Variants in ZNF616 observed in about 807,000 individuals in gnomAD.
The protein encoded by ZNF616 is zinc finger protein 616.
A neutral mutation model predicts 7.6 loss-of-function variants in ZNF616; 5 were observed. The ratio of observed to expected loss-of-function variants is 0.66; its 90% CI spans 0.34 to 1.38. The LOEUF (loss-of-function observed/expected upper bound fraction) is 1.38. ZNF616 is among the 40% of genes most tolerant of loss of function. The pLI is 0.04. For synonymous variants in ZNF616, 319 were observed against 317.2 expected, an observed-to-expected ratio of 1.01 and a Z score of -0.06; for missense variants, 913 against 948.3, an observed-to-expected ratio of 0.96 and a Z score of 0.49.
At position 52,114,792 on chromosome 19, in the gene ZNF616, G is replaced by A. The variant is rs776114741; in HGVS notation, c.*26C>T. On this transcript the variant is annotated 3_prime_UTR_variant, in exon 4 of 4. Coordinates refer to ENST00000600228, the MANE Select transcript of ZNF616 (RefSeq NM_178523.5). ...GTATATCAGTAAGTAGGAATTATTC[G>A]GTGATTCCAGAAACTAGGACAACGT... is the stretch of plus-strand genomic sequence containing the variant. The A allele has an allele frequency of 4.3e-5, 66 of 1,532,900 alleles. No homozygotes were observed. Among genetic ancestry groups the A allele is most frequent in the East Asian group, 1.4e-4 (6 of 44,416 alleles). 95.0% of individuals were successfully genotyped at this position (1,532,900 alleles called of 1,614,324 possible).
At position 52,137,952 on chromosome 19, in the gene ZNF616, C is replaced by T. The variant is rs1250759818; in HGVS notation, c.-77+1780G>A. ...GCAACTACAAGGAAAAAAGTAAATC[C>T]ATTAACAAAACAAAAAACCAACACT... On this transcript the variant is annotated intron_variant, in intron 1 of 3. Transcript: ENST00000600228. Among the ~76,000 whole-genome samples the T allele has an allele frequency of 2.6e-5, 4 of 152,126 alleles. No homozygotes were observed. The East Asian group carries it at 7.7e-4, about 29-fold the overall frequency.
At chr19:52,138,902 AC>A (rs1189012291) in intron 1 of ZNF616, 1 of 151,602 alleles carries the variant, frequency 6.6e-6, no homozygotes, top group Non-Finnish European at 1.5e-5. Context: ...TCCGACTCTT[AC>A]CTTTTCCGCC....
intron 3 of ZNF616, among the ~76,000 whole-genome samples, chr19:52,119,197 T>G (rs2088847971): frequency 2.0e-5 from 3 of 151,906 alleles, no homozygotes; most frequent in African/African-American, 7.3e-5. Flanking sequence ...GCCAAGATGA[T>G]GAAACCCCAC....
chr19:52,119,289 T>A (rs916627949), intron 3 of ZNF616, among the ~76,000 whole-genome samples: 1 of 151,618 alleles, frequency 6.6e-6, no homozygotes, highest in Non-Finnish European at 1.5e-5. Context: ...AGGCAGGGAA[T>A]TGCTTGAACC....
At chr19:52,136,129 CA>C (rs796547921) in intron 1 of ZNF616, among the ~76,000 whole-genome samples, 797 of 24,452 alleles carry the variant, frequency 0.033, 2 homozygotes, top group Admixed American at 0.047. Context: ...GACTTTGTCT[CA>C]AAAAAAAAAA....
chr19:52,132,607 G>C (rs1283644424), intron 1 of ZNF616, among the ~76,000 whole-genome samples: 3 of 149,680 alleles, frequency 2.0e-5, no homozygotes. Flanking sequence ...GAAGTGTGTA[G>C]CGCCTCCCCC....
chr19:52,123,121 A>C (rs2088877068), intron 3 of ZNF616, among the ~76,000 whole-genome samples: 1 of 152,192 alleles, frequency 6.6e-6, no homozygotes, highest in Non-Finnish European at 1.5e-5. Flanking sequence ...CCCCAATACA[A>C]CACTACCTCA....
chr19:52,130,392 C>T (rs1354162109), intron 2 of ZNF616, 109 bp downstream of exon 2: 1 of 1,003,968 alleles, frequency 1.0e-6, no homozygotes, highest in Non-Finnish European at 1.6e-6. Context: ...AGGAAGGACA[C>T]TTCAGACTCA....
chr19:52,115,679 G>C lies in ZNF616; in HGVS notation c.1485C>G (p.Cys495Trp). Residue 495 changes from cysteine (C) to tryptophan (W), a missense_variant, in exon 4 of 4, where the codon TGC becomes TGG. By Grantham distance (215) the Cys-to-Trp change is radical (BLOSUM62 -2). Coordinates refer to ENST00000600228, the MANE Select transcript of ZNF616 (RefSeq NM_178523.5). ...RIHTGEKPYK[C>W]NECGKVFSQH... The stretch of plus-strand genomic sequence containing the variant: ...GACTGAAGACCTTGCCACATTCATT[G>C]CATTTGTAAGGTTTCTCTCCAGTAT... The C allele has an allele frequency of 6.2e-7, 1 of 1,614,046 alleles. No homozygotes were observed. The highest frequency in any genetic ancestry group is 8.5e-7 in the Non-Finnish European group (1 of 1,179,970).
chr19:52,127,702 A>G lies in ZNF616; in HGVS notation c.12+2799T>C, dbSNP rs1034369491. On this transcript the variant is annotated intron_variant, in intron 2 of 3. Coordinates refer to ENST00000600228, the MANE Select transcript of ZNF616 (RefSeq NM_178523.5). The stretch of plus-strand genomic sequence containing the variant: ...CCACTCTTTAAACTGTCCAACCTGA[A>G]GGAACCCTCAAACACCTGTGGTGAA... Among the ~76,000 whole-genome samples, 3 of 152,222 alleles carry G rather than the reference A, an allele frequency of 2.0e-5. No homozygotes were observed. In the East Asian group the frequency reaches 5.8e-4, roughly 29 times the overall value.
intron 3 of ZNF616, among the ~76,000 whole-genome samples, chr19:52,123,383 C>T (rs1277401182): frequency 6.6e-6 from 1 of 152,024 alleles, no homozygotes; most frequent in East Asian, 1.9e-4. Context: ...AGCGTACTGG[C>T]TCAAGCCTAT....
chr19:52,137,250 G>A (rs59773051), intron 1 of ZNF616, among the ~76,000 whole-genome samples: 1,849 of 150,770 alleles, frequency 0.012, 38 homozygotes, highest in African/African-American at 0.043. Context: ...AACCCCGTCT[G>A]TACTAAAAAA....
intron 2 of ZNF616, among the ~76,000 whole-genome samples, chr19:52,125,332 A>G (rs1371991743): frequency 1.3e-5 from 2 of 152,232 alleles, no homozygotes; most frequent in Admixed American, 1.3e-4. Flanking sequence ...GTGAAATCAA[A>G]CGACTTAAGT....
At chr19:52,125,054 T>C (rs148178892) in intron 2 of ZNF616, among the ~76,000 whole-genome samples, 10 of 152,314 alleles carry the variant, frequency 6.6e-5, no homozygotes, top group African/African-American at 2.4e-4. Context: ...ACTTGGAGAT[T>C]GGGCATTGGA....
At chr19:52,121,734 C>A (rs2088865591) in intron 3 of ZNF616, among the ~76,000 whole-genome samples, 1 of 152,018 alleles carries the variant, frequency 6.6e-6, no homozygotes, top group Non-Finnish European at 1.5e-5. Context: ...ATAAAGGGTG[C>A]TGGAAAAACT....
intron 3 of ZNF616, among the ~76,000 whole-genome samples, chr19:52,122,714 A>C (rs1237638555): frequency 6.7e-6 from 1 of 149,212 alleles, no homozygotes; most frequent in Non-Finnish European, 1.5e-5. Context: ...TGCTCACTGC[A>C]AGCTCCGCCT....
rs958234594 is a variant in ZNF616, at chr19:52,114,576, C to T, written c.*242G>A. On this transcript the variant is annotated 3_prime_UTR_variant, in exon 4 of 4. Coordinates refer to ENST00000600228, the MANE Select transcript of ZNF616 (RefSeq NM_178523.5). The stretch of plus-strand genomic sequence containing the variant: ...AATGAGGGCAAGCGACAGGGAAGTG[C>T]TATGCACTTCTAAACAGCCAGACCT... The T allele has an allele frequency of 1.1e-5, 5 of 445,962 alleles. No homozygotes were observed. The highest frequency in any genetic ancestry group is 7.1e-5 in the East Asian group (2 of 27,976). 27.6% of individuals were successfully genotyped at this position (445,962 alleles called of 1,614,324 possible). A position where few individuals can be genotyped will look rare whatever the true frequency, so the allele number is the denominator to read the frequency against.
intron 3 of ZNF616, among the ~76,000 whole-genome samples, chr19:52,118,045 C>T (rs573098926): frequency 4.6e-5 from 7 of 152,130 alleles, no homozygotes; most frequent in Non-Finnish European, 7.3e-5. Context: ...AAGACTCAAG[C>T]GATCCTCCCA....
chr19:52,120,644 T>C (rs1340667792), intron 3 of ZNF616, among the ~76,000 whole-genome samples: 1 of 152,184 alleles, frequency 6.6e-6, no homozygotes, highest in South Asian at 2.1e-4. Flanking sequence ...TAAATGGTAA[T>C]AGAAAGACAT....
Sources: gnomAD v4.1 joint callset for allele counts (sites outside exome capture counted in the v4.1 genomes callset) on GRCh38, gnomAD v4.1.1 for gene constraint, MANE v1.5 for transcripts, NCBI Gene and HGNC (gene_info 2026-07-23, HGNC 2026-07-21) for gene names.